The following ABCD3 variants were observed in gnomAD, a reference collection of about 807,000 sequenced individuals.
The protein encoded by ABCD3 is ATP binding cassette subfamily D member 3, also known as ATP-binding cassette sub-family D member 3.
Under a neutral mutation model 105.5 loss-of-function variants are expected in ABCD3, and 41 were observed. The observed-to-expected ratio is 0.39, with a 90% confidence interval of 0.30 to 0.50. ABCD3 has a LOEUF of 0.50. Among genes scored for constraint, ABCD3 ranks in the 20% least tolerant of loss-of-function variants. The pLI is 0.84. For synonymous variants in ABCD3, 258 were observed against 269.0 expected (o/e 0.96, Z 0.40); for missense variants, 622 against 806.3 (o/e 0.77, Z 2.77).
chr1:94,463,656 A>G (rs1202245648), intron 2 of ABCD3, among the ~76,000 whole-genome samples: 1 of 152,128 alleles, frequency 6.6e-6, no homozygotes, highest in Non-Finnish European at 1.5e-5. Context: ...GTCCTTCCAA[A>G]CAGTCCAAGA....
At chr1:94,417,626 C>CT (rs1321445989), upstream of ABCD3, among the ~76,000 whole-genome samples, 1 of 152,232 alleles carries the variant, frequency 6.6e-6, no homozygotes, top group African/African-American at 2.4e-5. Flanking sequence ...GTTTCTCAAA[C>CT]TTTTTTCTGA....
At chr1:94,410,420 G>A in the ABCD3 span, among the ~76,000 whole-genome samples, 1 of 152,190 alleles carries the variant, frequency 6.6e-6, no homozygotes, top group Non-Finnish European at 1.5e-5. Flanking sequence ...TGAAATAGCA[G>A]TTTTATATTT....
At chr1:94,438,330 ACACACACACAC>A (rs1391977208) in intron 1 of ABCD3, among the ~76,000 whole-genome samples, 37 of 151,076 alleles carry the variant, frequency 2.4e-4, no homozygotes, top group African/African-American at 9.1e-4. Flanking sequence ...ACACACACAC[ACACACACACAC>A]ACAAACTTGA....
At chr1:94,403,279 G>A in the ABCD3 span, among the ~76,000 whole-genome samples, 15 of 152,084 alleles carry the variant, frequency 9.9e-5, no homozygotes, top group Non-Finnish European at 1.3e-4. Context: ...GTTGAGAGGC[G>A]TGAGATATCC....
chr1:94,436,865 C>T (rs1659924581), intron 1 of ABCD3, among the ~76,000 whole-genome samples: 1 of 152,152 alleles, frequency 6.6e-6, no homozygotes, highest in Admixed American at 6.5e-5. Flanking sequence ...ACTGCTCCTT[C>T]AGTAAACACA....
At chr1:94,511,431 C>T (rs981558340) in intron 21 of ABCD3, among the ~76,000 whole-genome samples, 4 of 152,058 alleles carry the variant, frequency 2.6e-5, no homozygotes, top group Non-Finnish European at 4.4e-5. Context: ...AATATTTTTT[C>T]CTTCATTTCA....
intron 16 of ABCD3, among the ~76,000 whole-genome samples, chr1:94,491,606 G>A (rs1243393696): frequency 6.6e-6 from 1 of 152,036 alleles, no homozygotes; most frequent in Non-Finnish European, 1.5e-5. Flanking sequence ...TGTTGTGACT[G>A]TACAGGATGA....
At chr1:94,460,270 G>A (rs1647801650) in intron 2 of ABCD3, among the ~76,000 whole-genome samples, 1 of 151,970 alleles carries the variant, frequency 6.6e-6, no homozygotes, top group Non-Finnish European at 1.5e-5. Context: ...TCTCACATCT[G>A]GTATGTTAAG....
intron 3 of ABCD3, among the ~76,000 whole-genome samples, chr1:94,466,477 C>A (rs1422705218): frequency 6.6e-6 from 1 of 152,122 alleles, no homozygotes; most frequent in African/African-American, 2.4e-5. Context: ...CACAACCTGA[C>A]TTTGGCCTTC....
chr1:94,390,598 C>T, the ABCD3 span, among the ~76,000 whole-genome samples: 2 of 152,122 alleles, frequency 1.3e-5, no homozygotes, highest in African/African-American at 4.8e-5. Flanking sequence ...CCATGGCACC[C>T]AGCCCACTCC....
intron 11 of ABCD3, 39 bp from the exon 12 acceptor site, chr1:94,487,655 A>T: frequency 6.2e-7 from 1 of 1,612,938 alleles, no homozygotes; most frequent in Non-Finnish European, 8.5e-7. Context: ...AAAAGGTGAA[A>T]TACTGTTACT....
the ABCD3 span, among the ~76,000 whole-genome samples, chr1:94,403,886 T>G: frequency 6.6e-6 from 1 of 152,216 alleles, no homozygotes; most frequent in Admixed American, 6.5e-5. Flanking sequence ...GTAAATGGTG[T>G]TAAAAGACCA....
At position 94,473,831 on chromosome 1, in the gene ABCD3, C is replaced by T; in HGVS notation, c.401C>T (p.Pro134Leu). The change falls in exon 5 of 23, where the codon CCT becomes CTT. Residue 134 changes from proline to leucine, a missense_variant. Around this residue, in one of 4 missense-constraint regions of ABCD3, gnomAD observed 245 missense variants for 356.4 expected, o/e 0.69. Transcript: ENST00000370214. The part of the protein sequence containing the change: ...RYLLNFIAAM[P>L]LISLVNNFLK... ...TTACTCAACTTCATCGCTGCCATGC[C>T]TCTTGTAAGTTTAATTCATTAAAAA... 6.2e-7 allele frequency: 1 copy of T among 1,611,330 alleles called. No individual in the cohort carries two copies. Among genetic ancestry groups the T allele is most frequent in the South Asian group, 1.1e-5 (1 of 90,972 alleles).
At chr1:94,443,841 G>T (rs1011444607) in intron 1 of ABCD3, among the ~76,000 whole-genome samples, 1 of 152,108 alleles carries the variant, frequency 6.6e-6, no homozygotes, top group African/African-American at 2.4e-5. Context: ...AGAAATTTTA[G>T]AATTCACATG....
intron 4 of ABCD3, among the ~76,000 whole-genome samples, chr1:94,472,691 G>T (rs1313862044): frequency 6.6e-6 from 1 of 151,966 alleles, no homozygotes; most frequent in African/African-American, 2.4e-5. Flanking sequence ...TTTAACCTAG[G>T]ATTTCCCAAA....
At chr1:94,433,657 C>A (rs1438647825) in intron 1 of ABCD3, among the ~76,000 whole-genome samples, 1 of 124,724 alleles carries the variant, frequency 8.0e-6, no homozygotes, top group African/African-American at 2.9e-5. Context: ...CTAAACATGT[C>A]TTTTTTTTAG....
intron 21 of ABCD3, chr1:94,513,330 T>C (rs187244960): frequency 3.5e-4 from 53 of 152,218 alleles, no homozygotes; most frequent in African/African-American, 1.2e-3. Flanking sequence ...CCACGTGATT[T>C]CCTCTTATGC....
At chr1:94,489,537 C>G (rs1466567039) in intron 13 of ABCD3, among the ~76,000 whole-genome samples, 188 bp from the exon 14 acceptor site, 1 of 151,514 alleles carries the variant, frequency 6.6e-6, no homozygotes, top group Non-Finnish European at 1.5e-5. Flanking sequence ...TCCTTCATCC[C>G]TATATTCCTG....
chr1:94,394,921 A>T, the ABCD3 span, among the ~76,000 whole-genome samples: 1 of 152,160 alleles, frequency 6.6e-6, no homozygotes, highest in South Asian at 2.1e-4. Flanking sequence ...TTTCTATAGG[A>T]CCTAAGAGAC....
Sources: allele counts gnomAD v4.1 joint callset (sites outside exome capture counted in the v4.1 genomes callset), GRCh38; gene constraint gnomAD v4.1.1; regional missense constraint gnomAD v4.1.1; transcripts MANE v1.5; gene names NCBI Gene and HGNC (gene_info 2026-07-23, HGNC 2026-07-21).